DAPK1: variants seen among roughly 807,000 people sequenced by gnomAD.
DAPK1 encodes death-associated protein kinase 1.
Under a neutral mutation model 144.9 loss-of-function variants are expected in DAPK1, and 56 were observed. The observed-to-expected ratio is 0.39, with a 90% CI of 0.31 to 0.48. The LOEUF (loss-of-function observed/expected upper bound fraction) is 0.48, where lower values mean the gene tolerates loss of function less well. DAPK1 is among the 20% of genes least tolerant of loss of function. DAPK1 has a pLI of 0.95. For synonymous variants in DAPK1, 690 were observed against 749.0 expected, an observed-to-expected ratio of 0.92 and a Z score of 1.29; for missense variants, 1,454 against 1,875.4, an observed-to-expected ratio of 0.78 and a Z score of 4.15.
In DAPK1 at chr9:87,681,560, C is replaced by T. The variant is rs750364348; in HGVS notation, c.2158C>T (p.Arg720Trp). The T allele has an allele frequency of 1.9e-6, 3 of 1,612,726 alleles. No homozygotes were observed. The highest frequency in any genetic ancestry group is 1.7e-4 in the Middle Eastern group (1 of 6,054). Residue 720 changes from arginine to tryptophan, a missense_variant, in exon 20 of 26, where the codon CGG (arginine) becomes TGG (tryptophan). Physicochemically the swap from Arg to Trp is moderately radical, Grantham distance 101. This residue lies in a region of DAPK1 where 1,025 missense variants were observed against 1,237.9 expected (regional missense o/e 0.83). Transcript: ENST00000408954. ...GLLRSFFRRR[R>W]PRLSSTNSSR... is the part of the protein sequence containing the mutation. ...GCTGAGGAGCTTTTTCAGAAGGCGT[C>T]GGCCCAGACTGTCTTCCACCAACTC...
chr9:87,568,879 T>G (rs1320630038), intron 2 of DAPK1, among the ~76,000 whole-genome samples: 1 of 152,204 alleles, frequency 6.6e-6, no homozygotes, highest in Non-Finnish European at 1.5e-5. Context: ...AGAACTCATT[T>G]CTTGTCCTCA....
intron 19 of DAPK1, 100 bp downstream of exon 19, chr9:87,668,774 G>A: frequency 1.2e-6 from 1 of 807,060 alleles, no homozygotes; most frequent in Admixed American, 1.8e-5. Context: ...TGAGGCTCTA[G>A]ACAGCCAGGT....
rs980334154 is a variant in DAPK1, at chr9:87,551,426, G to A, written c.62+52287G>A. Among the ~76,000 whole-genome samples, 162 of 152,294 alleles carry A rather than the reference G, an allele frequency of 1.1e-3. 1 individual carries two copies. The highest frequency in any genetic ancestry group is 3.5e-3 in the African/African-American group (145 of 41,578). ...CTCCCAAAGTGCTGGGATTACAGGC[G>A]TGAGTCACCGTGCGCAGCCTGTTAA... On this transcript the variant is annotated intron_variant, in intron 2 of 25. Transcript: ENST00000408954.
At chr9:87,697,226 C>T in intron 22 of DAPK1, 22 bp downstream of exon 22, 1 of 1,121,418 alleles carries the variant, frequency 8.9e-7, no homozygotes, top group Non-Finnish European at 1.4e-6. Flanking sequence ...CCCTGCAGGC[C>T]AGTGATGTCC....
intron 2 of DAPK1, among the ~76,000 whole-genome samples, chr9:87,576,852 G>T (rs1390825277): frequency 1.3e-5 from 2 of 152,136 alleles, no homozygotes; most frequent in Non-Finnish European, 2.9e-5. Flanking sequence ...GAGCCACCGC[G>T]CCTGGCCCTG....
chr9:87,608,006 T>A (rs2118976979), intron 3 of DAPK1, among the ~76,000 whole-genome samples: 1 of 152,202 alleles, frequency 6.6e-6, no homozygotes, highest in South Asian at 2.1e-4. Flanking sequence ...CATCCTCACA[T>A]GACCGGCAGG....
chr9:87,678,295 AAC>A (rs1268397623), intron 19 of DAPK1, among the ~76,000 whole-genome samples: 1 of 152,222 alleles, frequency 6.6e-6, no homozygotes, highest in African/African-American at 2.4e-5. Context: ...ACTGTAATAT[AAC>A]ACAGACCTTG....
chr9:87,499,299 C>T (rs111956240), intron 2 of DAPK1, 160 bp downstream of exon 2: 2 of 675,296 alleles, frequency 3.0e-6, no homozygotes, highest in East Asian at 2.7e-5. Flanking sequence ...AGCGGTAAAC[C>T]GCCTGATCCA....
intron 2 of DAPK1, among the ~76,000 whole-genome samples, chr9:87,508,264 G>C (rs1038874902): frequency 6.6e-6 from 1 of 151,948 alleles, no homozygotes; most frequent in Non-Finnish European, 1.5e-5. Context: ...TGCCCTCCTC[G>C]GTCTCCCAAA....
chr9:87,630,566 A>G (rs777318252), intron 3 of DAPK1, among the ~76,000 whole-genome samples: 6 of 152,078 alleles, frequency 3.9e-5, no homozygotes, highest in East Asian at 1.9e-4. Flanking sequence ...GGGGGATTAC[A>G]TCGGATGTTT....
At chr9:87,567,588 T>C (rs570455627) in intron 2 of DAPK1, among the ~76,000 whole-genome samples, 98 of 152,310 alleles carry the variant, frequency 6.4e-4, no homozygotes, top group African/African-American at 2.3e-3. Flanking sequence ...GGATGCTTTT[T>C]GTAGCCTCTT....
chr9:87,704,077 T>C (rs1458691789), intron 25 of DAPK1, among the ~76,000 whole-genome samples: 2 of 152,182 alleles, frequency 1.3e-5, no homozygotes, highest in Non-Finnish European at 2.9e-5. Context: ...TAAACCTGAA[T>C]CCACAAGCCA....
chr9:87,669,258 A>G (rs1256636954), intron 19 of DAPK1, among the ~76,000 whole-genome samples: 2 of 152,090 alleles, frequency 1.3e-5, no homozygotes, highest in African/African-American at 4.8e-5. Context: ...ATGTCTAGTA[A>G]AGGGTCCTAC....
intron 2 of DAPK1, among the ~76,000 whole-genome samples, chr9:87,567,023 C>A (rs1827152366): frequency 1.3e-5 from 2 of 151,820 alleles, no homozygotes; most frequent in African/African-American, 2.4e-5. Context: ...GAGAGAAGCT[C>A]CCCAGAATTC....
chr9:87,622,378 G>A (rs1305337258), intron 3 of DAPK1, among the ~76,000 whole-genome samples: 1 of 151,862 alleles, frequency 6.6e-6, no homozygotes, highest in Non-Finnish European at 1.5e-5. Context: ...AGCAGGCTCC[G>A]GTACCTCACA....
At chr9:87,552,473 T>G (rs1359582333) in intron 2 of DAPK1, among the ~76,000 whole-genome samples, 1 of 152,208 alleles carries the variant, frequency 6.6e-6, no homozygotes, top group Non-Finnish European at 1.5e-5. Context: ...GCCCACACAC[T>G]AATTTTCTCT....
At chr9:87,678,930 C>CA (rs1221936534) in intron 19 of DAPK1, among the ~76,000 whole-genome samples, 1 of 152,178 alleles carries the variant, frequency 6.6e-6, no homozygotes, top group East Asian at 1.9e-4. Context: ...ATAGGAAAAT[C>CA]AAAGCCTTCA....
chr9:87,499,623 A>G (rs1032341772), intron 2 of DAPK1, among the ~76,000 whole-genome samples: 21 of 152,154 alleles, frequency 1.4e-4, no homozygotes, highest in Non-Finnish European at 5.9e-5. Context: ...AGATGTTGAC[A>G]TTGGGCTTGG....
chr9:87,598,264 A>C (rs1828390214), intron 2 of DAPK1, among the ~76,000 whole-genome samples: 2 of 152,202 alleles, frequency 1.3e-5, no homozygotes, highest in African/African-American at 4.8e-5. Context: ...AAAAGTAGAA[A>C]TTACTTTGTG....
Sources: gnomAD v4.1 joint callset for allele counts (sites outside exome capture counted in the v4.1 genomes callset) on GRCh38, gnomAD v4.1.1 for gene constraint, gnomAD v4.1.1 regional missense constraint, MANE v1.5 for transcripts, NCBI Gene and HGNC (gene_info 2026-07-23, HGNC 2026-07-21) for gene names.